The following TSHR variants were observed in gnomAD, a reference collection of about 807,000 sequenced individuals.
TSHR encodes thyrotropin receptor.
Under a neutral mutation model 64.1 loss-of-function variants are expected in TSHR, and 51 were observed. The ratio of observed to expected loss-of-function variants is 0.80; its 90% CI spans 0.64 to 1.01. The LOEUF is 1.01. Ranked by LOEUF, TSHR falls within the 50% of genes least tolerant of loss-of-function variation. The probability of loss-of-function intolerance (pLI) is 0.00; values close to 1 mark genes in which losing one functional copy is unlikely to be tolerated. For missense variants in TSHR, 877 were observed against 942.8 expected (o/e 0.93, Z 0.91); for synonymous variants, 361 against 361.9 (o/e 1.00, Z 0.03).
chr14:81,087,869 G>T (rs1267374222), intron 3 of TSHR, 85 bp from the exon 4 acceptor site: 1 of 1,140,470 alleles, frequency 8.8e-7, no homozygotes, highest in Non-Finnish European at 1.3e-6. Flanking sequence ...ATGAACGTTT[G>T]TTAAAACTGA....
chr14:81,037,891 C>A (rs1384015233), intron 1 of TSHR, among the ~76,000 whole-genome samples: 1 of 149,408 alleles, frequency 6.7e-6, no homozygotes, highest in Non-Finnish European at 1.5e-5. Flanking sequence ...GATTTCAACA[C>A]CCTACTTTCA....
chr14:81,102,021 A>G (rs1385997907), intron 7 of TSHR, among the ~76,000 whole-genome samples: 4 of 151,888 alleles, frequency 2.6e-5, no homozygotes, highest in African/African-American at 9.7e-5. Context: ...AATACAAAAA[A>G]ATTAGCTGGG....
chr14:81,141,544 G>T (rs1891687646), intron 9 of TSHR, among the ~76,000 whole-genome samples: 1 of 152,182 alleles, frequency 6.6e-6, no homozygotes, highest in South Asian at 2.1e-4. Context: ...CTATGTGCCT[G>T]GCTGTTGTAA....
chr14:81,116,638 C>T (rs1019775088), intron 8 of TSHR, among the ~76,000 whole-genome samples: 9 of 146,290 alleles, frequency 6.2e-5, no homozygotes, highest in Non-Finnish European at 1.3e-4. Flanking sequence ...AGAAAGTTAA[C>T]AAGGATACCC....
intron 8 of TSHR, among the ~76,000 whole-genome samples, chr14:81,121,957 A>C (rs1890813101): frequency 7.4e-6 from 1 of 135,744 alleles, no homozygotes; most frequent in African/African-American, 2.7e-5. Flanking sequence ...AAATAAAAGG[A>C]TTGATAGATT....
chr14:81,067,424 A>G (rs115692344), intron 2 of TSHR, among the ~76,000 whole-genome samples: 1,622 of 150,680 alleles, frequency 0.011, 38 homozygotes, highest in African/African-American at 0.035. Context: ...GACAACAGAA[A>G]TATCACCCAA....
At chr14:80,985,550 C>G (rs1888401857) in intron 1 of TSHR, among the ~76,000 whole-genome samples, 1 of 152,044 alleles carries the variant, frequency 6.6e-6, no homozygotes, top group South Asian at 2.1e-4. Flanking sequence ...TGGTATGGAC[C>G]AGAAAGCATG....
rs149732779 is a variant in TSHR, at chr14:81,035,340, G to C, written c.171-26808G>C. On this transcript the variant is annotated intron_variant, in intron 1 of 9. Transcript: ENST00000298171. Reference sequence around the variant, plus strand: ...CTTAGAAGTGCCCATGCCCTGCTCAGCTGTGACTCTACTGACCTCAGGACC... The same window carrying C: ...CTTAGAAGTGCCCATGCCCTGCTCACCTGTGACTCTACTGACCTCAGGACC... Among the ~76,000 whole-genome samples, 842 of 152,274 alleles carry C rather than the reference G, an allele frequency of 5.5e-3. 2 individuals carry two copies. Among genetic ancestry groups the C allele is most frequent in the African/African-American group, 0.019 (773 of 41,558 alleles).
chr14:81,043,296 G>C (rs1885011385), intron 1 of TSHR, among the ~76,000 whole-genome samples: 1 of 151,934 alleles, frequency 6.6e-6, no homozygotes, highest in Non-Finnish European at 1.5e-5. Context: ...ACAAACAACA[G>C]GCAAGCAGAG....
At chr14:81,074,649 A>G (rs1887362867) in intron 3 of TSHR, among the ~76,000 whole-genome samples, 1 of 152,250 alleles carries the variant, frequency 6.6e-6, no homozygotes, top group Non-Finnish European at 1.5e-5. Flanking sequence ...CTGCAAGGAT[A>G]GATATGTAGA....
chr14:81,022,329 T>C (rs1301947723), intron 1 of TSHR, among the ~76,000 whole-genome samples: 1 of 152,068 alleles, frequency 6.6e-6, no homozygotes, highest in African/African-American at 2.4e-5. Flanking sequence ...GCATGATAAT[T>C]GTATGTGTCA....
rs77363539 is a variant in TSHR at position 81,093,990 on chromosome 14, C to T, written c.545+1382C>T. 8.9e-3 allele frequency among the ~76,000 whole-genome samples: 1,359 copies of T among 152,158 alleles called. 21 individuals are homozygous for T. The highest frequency in any genetic ancestry group is 0.031 in the African/African-American group (1,278 of 41,506). On this transcript the variant is annotated intron_variant, in intron 6 of 9. Coordinates refer to ENST00000298171, the MANE Select transcript of TSHR (RefSeq NM_000369.5). ...CTCAAGCACCCCCCTCAAGTGAAAG[C>T]TCATTGTCCCACACCTAGCATAGAG... is the stretch of plus-strand genomic sequence containing the variant.
chr14:81,035,196 C>G (rs560604416), intron 1 of TSHR, among the ~76,000 whole-genome samples: 1 of 152,264 alleles, frequency 6.6e-6, no homozygotes, highest in East Asian at 1.9e-4. Flanking sequence ...CATGAAGAAG[C>G]TATAAGAATT....
intron 1 of TSHR, among the ~76,000 whole-genome samples, chr14:81,030,240 A>G (rs894709870): frequency 6.6e-6 from 1 of 152,152 alleles, no homozygotes; most frequent in African/African-American, 2.4e-5. Flanking sequence ...CTGCTCTCTG[A>G]TACTAAAACA....
rs116847271 is a variant in TSHR at position 80,983,040 on chromosome 14, C to T, written c.170+27190C>T. 4,751 of 546,258 alleles carry T rather than the reference C, an allele frequency of 8.7e-3. 46 individuals carry two copies. The highest frequency in any genetic ancestry group is 0.012 in the Middle Eastern group (37 of 3,006). The allele number at this position is 546,258 out of a possible 1,614,324, so 33.8% of individuals were successfully genotyped here. ...CACAGATTGCAATGGGTATCCATAA[C>T]GTTCACCCATTTGCCCAAGAGTTTA... On this transcript the variant is annotated intron_variant, in intron 1 of 9. Coordinates refer to ENST00000298171, the MANE Select transcript of TSHR (RefSeq NM_000369.5).
chr14:80,977,889 G>A (rs1887959908), intron 1 of TSHR, among the ~76,000 whole-genome samples: 1 of 151,876 alleles, frequency 6.6e-6, no homozygotes, highest in Admixed American at 6.6e-5. Flanking sequence ...TCTGAGTTTA[G>A]TCTTCAGCTC....
chr14:81,020,544 C>T (rs8023193), intron 1 of TSHR, among the ~76,000 whole-genome samples: 17,683 of 152,158 alleles, frequency 0.12, 3,000 homozygotes, highest in African/African-American at 0.38. Context: ...TGCCTGATGA[C>T]CTGAGGTGGA....
At chr14:81,074,400 AAT>A (rs370941261) in intron 3 of TSHR, among the ~76,000 whole-genome samples, 2 of 152,130 alleles carry the variant, frequency 1.3e-5, no homozygotes, top group African/African-American at 4.8e-5. Context: ...CAGCGACTAT[AAT>A]CAAAGCATTA....
rs554104473 is a variant in TSHR at position 81,144,469 on chromosome 14, G to A, written c.*116G>A. On this transcript the variant is annotated 3_prime_UTR_variant, in exon 10 of 10. Transcript: ENST00000298171. ...TAGCTGCCCTCACTCTTGTGCAGGCGATGTTTCAATGTTTCATGGGGCAAG... is the reference window on the plus strand; with the variant it reads ...TAGCTGCCCTCACTCTTGTGCAGGCAATGTTTCAATGTTTCATGGGGCAAG... The A allele has an allele frequency of 5.5e-5, 59 of 1,068,604 alleles. No individual in the cohort carries two copies. In the South Asian group the frequency reaches 6.6e-4, roughly 12 times the overall value. The allele number at this position is 1,068,604 out of a possible 1,614,324, so 66.2% of individuals were successfully genotyped here.
Sources: gnomAD v4.1 joint callset for allele counts (sites outside exome capture counted in the v4.1 genomes callset) on GRCh38, gnomAD v4.1.1 for gene constraint, MANE v1.5 for transcripts, NCBI Gene and HGNC (gene_info 2026-07-23, HGNC 2026-07-21) for gene names.